LINGO1: variants seen among roughly 807,000 people sequenced by gnomAD.
The protein encoded by LINGO1 is leucine rich repeat and Ig domain containing 1.
LINGO1 carries 11 observed loss-of-function variants against 37.3 expected under a neutral mutation model. The observed-to-expected ratio is 0.29, with a 90% CI of 0.19 to 0.49. The LOEUF (loss-of-function observed/expected upper bound fraction) is 0.49, where lower values mean the gene tolerates loss of function less well. Among genes scored for constraint, LINGO1 ranks in the 20% least tolerant of loss-of-function variants. The pLI, the probability that LINGO1 is intolerant of heterozygous loss-of-function variation, is 0.99. For synonymous variants in LINGO1, 387 were observed against 403.0 expected (o/e 0.96, Z 0.48); for missense variants, 585 against 878.2 (o/e 0.67, Z 4.22).
intron 1 of LINGO1, among the ~76,000 whole-genome samples, chr15:77,693,219 T>C (rs2075635266): frequency 6.6e-6 from 1 of 152,216 alleles, no homozygotes; most frequent in Non-Finnish European, 1.5e-5. Flanking sequence ...TACTATATAC[T>C]AGGTATATTA....
At chr15:77,816,926 G>A (rs1567599524) in intron 1 of LINGO1, among the ~76,000 whole-genome samples, 2 of 152,138 alleles carry the variant, frequency 1.3e-5, no homozygotes, top group Non-Finnish European at 2.9e-5. Context: ...ACACTCAGGA[G>A]GCAAAAGTCT....
At chr15:77,654,417 A>T (rs2074825571) in intron 3 of LINGO1, among the ~76,000 whole-genome samples, 1 of 152,184 alleles carries the variant, frequency 6.6e-6, no homozygotes, top group South Asian at 2.1e-4. Context: ...GTCTTAATCC[A>T]TCGGATGCCA....
chr15:77,625,993 C>A (rs985993454), intron 1 of LINGO1, among the ~76,000 whole-genome samples: 2 of 152,212 alleles, frequency 1.3e-5, no homozygotes, highest in African/African-American at 4.8e-5. Context: ...GTTACACACC[C>A]ACTTCACTGA....
At chr15:77,644,755 C>CGA (rs2141119500) in intron 3 of LINGO1, among the ~76,000 whole-genome samples, 2 of 152,272 alleles carry the variant, frequency 1.3e-5, no homozygotes, top group African/African-American at 4.8e-5. Flanking sequence ...ATTTGACAGA[C>CGA]GAGAAAACTG....
chr15:77,697,440 C>A (rs2075711238), upstream of LINGO1, among the ~76,000 whole-genome samples: 2 of 152,210 alleles, frequency 1.3e-5, no homozygotes, highest in Non-Finnish European at 2.9e-5. Context: ...GCCTAGAGCC[C>A]AGTAGGACAC....
intron 2 of LINGO1, among the ~76,000 whole-genome samples, chr15:77,724,784 C>A (rs1022584586): frequency 1.2e-4 from 18 of 152,206 alleles, no homozygotes; most frequent in African/African-American, 3.9e-4. Flanking sequence ...CACAGCCCAC[C>A]ACTGGGCCAG....
At chr15:77,697,329 T>C (rs1393817762), upstream of LINGO1, among the ~76,000 whole-genome samples, 1 of 152,204 alleles carries the variant, frequency 6.6e-6, no homozygotes, top group Non-Finnish European at 1.5e-5. Flanking sequence ...TATGCCACCC[T>C]CAACCTGTAG....
intron 3 of LINGO1, among the ~76,000 whole-genome samples, chr15:77,655,046 G>A (rs1401390752): frequency 2.6e-5 from 4 of 152,192 alleles, no homozygotes; most frequent in Non-Finnish European, 5.9e-5. Flanking sequence ...CAGCCCCTAG[G>A]GGAGGGAAAA....
intron 1 of LINGO1, among the ~76,000 whole-genome samples, chr15:77,692,054 T>C (rs943368220): frequency 2.6e-5 from 4 of 152,360 alleles, no homozygotes; most frequent in African/African-American, 9.6e-5. Context: ...TGATTTCTGA[T>C]GCCAAAGACA....
chr15:77,758,319 C>T (rs2076440673), intron 1 of LINGO1, among the ~76,000 whole-genome samples: 1 of 152,190 alleles, frequency 6.6e-6, no homozygotes, highest in African/African-American at 2.4e-5. Context: ...GAGAGTCCGG[C>T]TTCACCCCTC....
In LINGO1 at chr15:77,615,543, G is replaced by A. The variant is rs1333972993; in HGVS notation, c.364C>T (p.Arg122Trp). 2 of 1,613,348 alleles carry A rather than the reference G, an allele frequency of 1.2e-6. No individual in the cohort carries two copies. Among genetic ancestry groups the A allele is most frequent in the Non-Finnish European group, 8.5e-7 (1 of 1,179,598 alleles). The change falls in exon 2 of 2, where the codon CGG becomes TGG. Residue 122 changes from arginine (R) to tryptophan (W), a missense_variant. Coordinates refer to ENST00000355300, the MANE Select transcript of LINGO1 (RefSeq NM_032808.7). ...PGAFNNLFNL[R>W]TLGLRSNRLK... Reference sequence around the variant, plus strand: ...CGGTTGCTGCGGAGACCCAGCGTCCGGAGGTTGAAGAGGTTGTTGAAGGCG... The same window carrying A: ...CGGTTGCTGCGGAGACCCAGCGTCCAGAGGTTGAAGAGGTTGTTGAAGGCG...
At chr15:77,811,921 GT>G (rs2077008830) in intron 1 of LINGO1, among the ~76,000 whole-genome samples, 1 of 150,386 alleles carries the variant, frequency 6.6e-6, no homozygotes, top group South Asian at 2.1e-4. Flanking sequence ...TTTTTCGTAT[GT>G]CTGAAAATGT....
upstream of LINGO1, chr15:77,788,487 C>T (rs1040335401): frequency 6.6e-6 from 1 of 152,144 alleles, no homozygotes. Flanking sequence ...GCGACTGAGT[C>T]CCGGGAGTCT....
Position 77,761,670 on chromosome 15 carries a change from C to T in LINGO1, c.-257+25199G>A, listed in dbSNP as rs539459675. ...TAAGTGCTCAAAGGAGAGATTCTGA[C>T]AGGAGTTGCAGAAGAAAAGGCCCCA... is the stretch of plus-strand genomic sequence containing the variant. On this transcript the variant is annotated intron_variant, in intron 1 of 3. Transcript: ENST00000561686. Among the ~76,000 whole-genome samples, 328 of 152,334 alleles carry T rather than the reference C, an allele frequency of 2.2e-3. 1 individual carries two copies. The highest frequency in any genetic ancestry group is 7.7e-3 in the African/African-American group (320 of 41,574).
chr15:77,769,803 C>T (rs961641154), intron 1 of LINGO1, among the ~76,000 whole-genome samples: 1 of 152,164 alleles, frequency 6.6e-6, no homozygotes, highest in Non-Finnish European at 1.5e-5. Flanking sequence ...AAAGAGCAGC[C>T]ATCAGCAAGT....
chr15:77,635,320 G>A (rs934158923), upstream of LINGO1, among the ~76,000 whole-genome samples: 2 of 152,190 alleles, frequency 1.3e-5, no homozygotes, highest in Non-Finnish European at 2.9e-5. Context: ...CAACTTGGAG[G>A]ATAGGCCTTT....
At chr15:77,628,061 C>T (rs550090783) in intron 1 of LINGO1, among the ~76,000 whole-genome samples, 3 of 152,280 alleles carry the variant, frequency 2.0e-5, no homozygotes, top group Non-Finnish European at 2.9e-5. Flanking sequence ...CTGACAATAC[C>T]GAGTGTTGAT....
chr15:77,662,976 C>T lies in LINGO1; in HGVS notation c.-13+14113G>A, dbSNP rs566271312. Among the ~76,000 whole-genome samples the T allele has an allele frequency of 9.2e-5, 14 of 152,324 alleles. No homozygotes were observed. In the East Asian group the frequency reaches 1.2e-3, roughly 13 times the overall value. On this transcript the variant is annotated intron_variant, in intron 3 of 3. Transcript: ENST00000559893. Reference sequence around the variant, plus strand: ...AAGGAAGCCGGTGCTTCACCACACTCGAAAGGCAGGACTCCGCCTCTGGGG... The same window carrying T: ...AAGGAAGCCGGTGCTTCACCACACTTGAAAGGCAGGACTCCGCCTCTGGGG...
At chr15:77,806,905 C>T (rs1301448975) in intron 1 of LINGO1, among the ~76,000 whole-genome samples, 1 of 152,154 alleles carries the variant, frequency 6.6e-6, no homozygotes, top group Non-Finnish European at 1.5e-5. Flanking sequence ...GGGATCTTCC[C>T]TGCATGAGTG....
Sources: gnomAD v4.1 joint callset for allele counts (sites outside exome capture counted in the v4.1 genomes callset) on GRCh38, gnomAD v4.1.1 for gene constraint, MANE v1.5 for transcripts, NCBI Gene and HGNC (gene_info 2026-07-23, HGNC 2026-07-21) for gene names.